Variants in BMPR1A observed in about 807,000 individuals in gnomAD.
BMPR1A encodes bone morphogenetic protein receptor type-1A.
In BMPR1A, 7 loss-of-function variants were observed where a neutral mutation model predicts 66.0. That is an observed-to-expected ratio of 0.11 (90% confidence interval 0.06 to 0.20). The LOEUF is 0.20. BMPR1A is among the 10% of genes least tolerant of loss of function. BMPR1A has a pLI of 1.00. For missense variants in BMPR1A, 408 were observed against 669.1 expected (o/e 0.61, Z 4.31); for synonymous variants, 200 against 229.7 (o/e 0.87, Z 1.17).
intron 1 of BMPR1A, among the ~76,000 whole-genome samples, chr10:86,796,609 C>T (rs1220190590): frequency 1.3e-5 from 2 of 151,460 alleles, no homozygotes; most frequent in Non-Finnish European, 2.9e-5. Flanking sequence ...CAGAATCTCT[C>T]TCTGTTGCCC....
intron 2 of BMPR1A, among the ~76,000 whole-genome samples, chr10:86,859,908 G>A (rs188132337): frequency 6.6e-6 from 1 of 152,296 alleles, no homozygotes; most frequent in Admixed American, 6.5e-5. Flanking sequence ...TCCCACTTCT[G>A]CAAATCCAGC....
chr10:86,764,967 T>C (rs1228230909), intron 1 of BMPR1A, among the ~76,000 whole-genome samples: 3 of 152,210 alleles, frequency 2.0e-5, no homozygotes, highest in African/African-American at 7.2e-5. Flanking sequence ...CTCATGCCTG[T>C]AATCCCAGCA....
intron 7 of BMPR1A, among the ~76,000 whole-genome samples, chr10:86,905,890 A>G (rs1377007765): frequency 6.6e-6 from 1 of 152,146 alleles, no homozygotes; most frequent in African/African-American, 2.4e-5. Context: ...AGAAGCTGCC[A>G]ATCAGCTTTT....
chr10:86,855,424 A>G (rs1842627544), intron 2 of BMPR1A: 2 of 703,028 alleles, frequency 2.8e-6, no homozygotes, highest in South Asian at 4.1e-5. Context: ...AAAATGCTCC[A>G]TACTTTTCTT....
At chr10:86,902,874 G>A (rs996316109) in intron 7 of BMPR1A, among the ~76,000 whole-genome samples, 11 of 152,056 alleles carry the variant, frequency 7.2e-5, no homozygotes, top group African/African-American at 2.7e-4. Context: ...ACAGTGTTTG[G>A]TGCTCACACA....
chr10:86,861,220 C>A (rs973680387), intron 2 of BMPR1A, among the ~76,000 whole-genome samples: 2 of 152,088 alleles, frequency 1.3e-5, no homozygotes. Context: ...AAATAAAGTA[C>A]AGATATTTCA....
At chr10:86,918,552 A>G (rs1843610007) in intron 9 of BMPR1A, among the ~76,000 whole-genome samples, 1 of 152,116 alleles carries the variant, frequency 6.6e-6, no homozygotes. Context: ...TCTACTAGAG[A>G]ATCATGTAGG....
At chr10:86,821,741 C>G (rs185133149) in intron 1 of BMPR1A, among the ~76,000 whole-genome samples, 19 of 152,302 alleles carry the variant, frequency 1.2e-4, no homozygotes, top group Admixed American at 9.2e-4. Context: ...AAGGGGATCA[C>G]TGTGACATCA....
chr10:86,907,570 A>AC (rs58171268), intron 7 of BMPR1A, among the ~76,000 whole-genome samples: 78,413 of 152,040 alleles, frequency 0.52, 22,397 homozygotes, highest in East Asian at 0.77. Context: ...TGTGGAATCA[A>AC]CCGTGTCCAT....
At chr10:86,819,449 C>T (rs550587298) in intron 1 of BMPR1A, among the ~76,000 whole-genome samples, 9 of 152,026 alleles carry the variant, frequency 5.9e-5, no homozygotes, top group South Asian at 2.1e-4. Context: ...TACAGGCACG[C>T]GCCACCATGC....
In BMPR1A at chr10:86,926,925, C is replaced by G. The variant is rs1373555567; in HGVS notation, c.*3206C>G. ...TAGGGTTTCCTTCAGTTTGTTTATT[C>G]TAAGCTTTTACTGTGCTTTTTACTG... On this transcript the variant is annotated 3_prime_UTR_variant, in exon 13 of 13. Coordinates refer to ENST00000372037, the MANE Select transcript of BMPR1A (RefSeq NM_004329.3). The G allele has an allele frequency of 5.2e-6, 1 of 191,804 alleles. No homozygotes were observed. The highest frequency in any genetic ancestry group is 1.1e-5 in the Non-Finnish European group (1 of 91,844). 11.9% of individuals were successfully genotyped at this position (191,804 alleles called of 1,614,324 possible). A position where few individuals can be genotyped will look rare whatever the true frequency, so the allele number is the denominator to read the frequency against.
In BMPR1A at chr10:86,848,765, T is replaced by C. The variant is rs1842522229; in HGVS notation, c.-153+9786T>C. On this transcript the variant is annotated intron_variant, in intron 2 of 12. Transcript: ENST00000372037. ...GAGCTGCTTGTATATTTTCAAAAGC[T>C]TCTTGCACCTCTGTCTCCTGATGGT... Among the ~76,000 whole-genome samples the C allele has an allele frequency of 1.3e-5, 2 of 152,314 alleles. 1 individual carries two copies. The highest frequency in any genetic ancestry group is 4.1e-4 in the South Asian group (2 of 4,830).
chr10:86,898,117 A>G (rs1319632552), intron 5 of BMPR1A, among the ~76,000 whole-genome samples: 1 of 151,912 alleles, frequency 6.6e-6, no homozygotes, highest in Non-Finnish European at 1.5e-5. Context: ...ATAGGGTCTC[A>G]CTACATTGCT....
chr10:86,918,755 C>T (rs1047146833), intron 9 of BMPR1A, among the ~76,000 whole-genome samples: 23 of 151,808 alleles, frequency 1.5e-4, no homozygotes, highest in Non-Finnish European at 1.5e-4. Flanking sequence ...CCAGAGTAGC[C>T]GGGACCACAG....
At chr10:86,851,942 G>T (rs1372725893) in intron 2 of BMPR1A, among the ~76,000 whole-genome samples, 1 of 152,136 alleles carries the variant, frequency 6.6e-6, no homozygotes, top group Non-Finnish European at 1.5e-5. Context: ...TTAGAAGTTA[G>T]TCCGAGCTAG....
chr10:86,874,750 C>G (rs748862477), intron 2 of BMPR1A, among the ~76,000 whole-genome samples: 1 of 121,886 alleles, frequency 8.2e-6, no homozygotes, highest in Non-Finnish European at 1.6e-5. Context: ...TGGAGTCTCG[C>G]TCTGTCGTGT....
intron 9 of BMPR1A, among the ~76,000 whole-genome samples, chr10:86,918,356 G>A (rs1258861644): frequency 1.3e-5 from 2 of 152,186 alleles, no homozygotes; most frequent in Non-Finnish European, 2.9e-5. Context: ...CTGGAGGGAA[G>A]AGGGTAGGAG....
intron 7 of BMPR1A, among the ~76,000 whole-genome samples, chr10:86,903,789 A>G (rs1843345856): frequency 1.3e-5 from 2 of 151,878 alleles, no homozygotes; most frequent in African/African-American, 4.8e-5. Flanking sequence ...TTGTATTTTT[A>G]GTAGAGACGG....
At chr10:86,807,203 C>T (rs1841899676) in intron 1 of BMPR1A, among the ~76,000 whole-genome samples, 1 of 152,130 alleles carries the variant, frequency 6.6e-6, no homozygotes, top group Non-Finnish European at 1.5e-5. Flanking sequence ...AACATACTAT[C>T]TTTAAAATCA....
Sources: allele counts gnomAD v4.1 joint callset (sites outside exome capture counted in the v4.1 genomes callset), GRCh38; gene constraint gnomAD v4.1.1; transcripts MANE v1.5; gene names NCBI Gene and HGNC (gene_info 2026-07-23, HGNC 2026-07-21).